SIPA1L2: variants seen among roughly 807,000 people sequenced by gnomAD.
SIPA1L2 encodes signal-induced proliferation-associated 1-like protein 2.
Under a neutral mutation model 163.9 loss-of-function variants are expected in SIPA1L2, and 56 were observed. The observed-to-expected ratio is 0.34, with a 90% CI of 0.28 to 0.43. The LOEUF (loss-of-function observed/expected upper bound fraction) is 0.43, where lower values mean the gene tolerates loss of function less well. SIPA1L2 is among the 20% of genes least tolerant of loss of function. The pLI, the probability that SIPA1L2 is intolerant of heterozygous loss-of-function variation, is 1.00. For missense variants in SIPA1L2, 1,974 were observed against 2,193.5 expected (o/e 0.90, Z 2.00); for synonymous variants, 877 against 865.7 (o/e 1.01, Z -0.23).
intron 5 of SIPA1L2, among the ~76,000 whole-genome samples, chr1:232,485,578 A>G (rs1161482049): frequency 6.6e-6 from 1 of 152,222 alleles, no homozygotes; most frequent in Non-Finnish European, 1.5e-5. Context: ...TTTATTGTAA[A>G]CATTATTTGC....
Position 232,434,481 on chromosome 1 carries a change from G to A in SIPA1L2, c.4032-2010C>T, listed in dbSNP as rs1156997739. 3.9e-5 allele frequency among the ~76,000 whole-genome samples: 6 copies of A among 151,996 alleles called. No homozygotes were observed. The East Asian group carries it at 5.8e-4, about 15-fold the overall frequency. On this transcript the variant is annotated intron_variant, in intron 15 of 22. Transcript: ENST00000674635. ...TCTCTGGGTGCTAACTGTGGGTCTC[G>A]GGAAGACGCTGCACTGCCTCTACAA...
At chr1:232,405,973 G>A (rs1027313237) in intron 19 of SIPA1L2, among the ~76,000 whole-genome samples, 2 of 152,158 alleles carry the variant, frequency 1.3e-5, no homozygotes, top group Non-Finnish European at 2.9e-5. Flanking sequence ...TACTGGTCAG[G>A]AGGCAAGAAG....
At chr1:232,417,855 C>T (rs573570613) in intron 18 of SIPA1L2, among the ~76,000 whole-genome samples, 4 of 152,246 alleles carry the variant, frequency 2.6e-5, no homozygotes, top group Admixed American at 6.5e-5. Flanking sequence ...CTTCGGGAAA[C>T]GGTGCAAGAG....
In SIPA1L2 at chr1:232,587,600, G is replaced by C. The variant is rs144298839; in HGVS notation, c.-318-13378C>G. Among the ~76,000 whole-genome samples the C allele has an allele frequency of 3.4e-3, 521 of 152,170 alleles. 7 individuals are homozygous for C. The highest frequency in any genetic ancestry group is 0.012 in the African/African-American group (509 of 41,522). ...GTGTACCTTACTACACAGCAAGGCA[G>C]TGGCCCCACACTGTACTTACTAGCT... On this transcript the variant is annotated intron_variant, in intron 1 of 22. Transcript: ENST00000674635.
In SIPA1L2 at chr1:232,415,736, C is replaced by T. The variant is rs537036029; in HGVS notation, c.4631-111G>A. ...CCCTCCCAGAGTCAGTCAGTCAGAA[C>T]ACGGGCACCACTGCCCCCTCCCAGA... On this transcript the variant is annotated intron_variant, in intron 18 of 22. Coordinates refer to ENST00000674635, the MANE Select transcript of SIPA1L2 (RefSeq NM_020808.5). 1.7e-4 allele frequency: 247 copies of T among 1,431,170 alleles called. 1 individual carries two copies. The South Asian group carries it at 2.8e-3, about 16-fold the overall frequency. 88.7% of individuals were successfully genotyped at this position (1,431,170 alleles called of 1,614,324 possible).
At chr1:232,516,917 A>G (rs1216681984) in intron 2 of SIPA1L2, among the ~76,000 whole-genome samples, 1 of 152,220 alleles carries the variant, frequency 6.6e-6, no homozygotes, top group Non-Finnish European at 1.5e-5. Flanking sequence ...ATAGCCTGTC[A>G]TGAGTTTGGA....
intron 3 of SIPA1L2, among the ~76,000 whole-genome samples, chr1:232,494,727 G>A (rs1229887499): frequency 6.6e-6 from 1 of 152,138 alleles, no homozygotes; most frequent in Non-Finnish European, 1.5e-5. Flanking sequence ...ACACAAAATA[G>A]TGGGAACAAT....
chr1:232,432,207 T>A, intron 16 of SIPA1L2, 40 bp downstream of exon 16: 2 of 1,556,774 alleles, frequency 1.3e-6, no homozygotes, highest in Non-Finnish European at 1.8e-6. Context: ...ATCCCTACAG[T>A]GAAAAATGCT....
chr1:232,502,900 C>T (rs992892209), intron 3 of SIPA1L2, among the ~76,000 whole-genome samples: 1 of 152,196 alleles, frequency 6.6e-6, no homozygotes, highest in Admixed American at 6.5e-5. Context: ...AGACTGTGCC[C>T]CCTCCCATAA....
At chr1:232,406,356 G>A (rs1191409792) in intron 19 of SIPA1L2, among the ~76,000 whole-genome samples, 1 of 152,190 alleles carries the variant, frequency 6.6e-6, no homozygotes, top group Non-Finnish European at 1.5e-5. Flanking sequence ...AGCAGATCTG[G>A]CTAAGGTGGA....
chr1:232,624,329 T>C (rs1662965317), intron 1 of SIPA1L2, among the ~76,000 whole-genome samples: 1 of 152,200 alleles, frequency 6.6e-6, no homozygotes, highest in South Asian at 2.1e-4. Context: ...TATTAGAAAC[T>C]TCAATACGGA....
chr1:232,404,041 T>A (rs1660500371), intron 20 of SIPA1L2, 84 bp downstream of exon 20: 12 of 1,497,160 alleles, frequency 8.0e-6, no homozygotes, highest in Non-Finnish European at 1.0e-5. Context: ...AGGGCGTGAA[T>A]AACCATGCAG....
intron 5 of SIPA1L2, chr1:232,490,621 T>C: frequency 2.6e-6 from 1 of 387,362 alleles, no homozygotes; most frequent in Non-Finnish European, 4.6e-6. Flanking sequence ...TCAGATGCAC[T>C]CTTGCAAGCT....
chr1:232,590,576 C>T (rs1469146886), intron 1 of SIPA1L2, among the ~76,000 whole-genome samples: 4 of 152,182 alleles, frequency 2.6e-5, no homozygotes, highest in Admixed American at 2.6e-4. Flanking sequence ...CAGACCCTAG[C>T]TCTCGGGCCC....
At chr1:232,490,844 C>G in intron 5 of SIPA1L2, 30 bp downstream of exon 5, 1 of 1,548,768 alleles carries the variant, frequency 6.5e-7, no homozygotes, top group South Asian at 1.2e-5. Flanking sequence ...CAAATTCACA[C>G]ACAAACATAC....
intron 2 of SIPA1L2, among the ~76,000 whole-genome samples, chr1:232,570,282 T>A (rs1338856136): frequency 6.6e-6 from 1 of 152,210 alleles, no homozygotes; most frequent in Non-Finnish European, 1.5e-5. Flanking sequence ...GCCTTTAAGA[T>A]GGTTAAGTGA....
chr1:232,436,342 G>A (rs1355171188), intron 15 of SIPA1L2, among the ~76,000 whole-genome samples: 3 of 152,238 alleles, frequency 2.0e-5, no homozygotes, highest in African/African-American at 7.2e-5. Flanking sequence ...TTGTGGGAAG[G>A]AATATGCAGT....
At chr1:232,453,964 ATGCTAATAGCT>A (rs1011710220) in intron 10 of SIPA1L2, among the ~76,000 whole-genome samples, 7 of 152,238 alleles carry the variant, frequency 4.6e-5, no homozygotes, top group African/African-American at 1.7e-4. Flanking sequence ...AATGTCTGTT[ATGCTAATAGCT>A]TGCTAATAGC....
At chr1:232,462,435 G>A in intron 9 of SIPA1L2, 1 of 1,358,382 alleles carries the variant, frequency 7.4e-7, no homozygotes, top group Non-Finnish European at 9.7e-7. Flanking sequence ...TGGGACTGGG[G>A]CTGGTTCATG....
Sources: allele counts gnomAD v4.1 joint callset (sites outside exome capture counted in the v4.1 genomes callset), GRCh38; gene constraint gnomAD v4.1.1; transcripts MANE v1.5; gene names NCBI Gene and HGNC (gene_info 2026-07-23, HGNC 2026-07-21).